The following DOCK4 variants were observed in gnomAD, a reference collection of about 807,000 sequenced individuals.
The protein encoded by DOCK4 is dedicator of cytokinesis protein 4.
DOCK4 carries 97 observed loss-of-function variants against 268.1 expected under a neutral mutation model. The observed-to-expected ratio is 0.36, with a 90% confidence interval of 0.31 to 0.43. The LOEUF (loss-of-function observed/expected upper bound fraction) is 0.43. Among genes scored for constraint, DOCK4 ranks in the 20% least tolerant of loss-of-function variants. The pLI is 1.00. For synonymous variants in DOCK4, 954 were observed against 887.2 expected (o/e 1.08, Z -1.34); for missense variants, 2,145 against 2,455.7 (o/e 0.87, Z 2.67).
chr7:111,947,217 T>C (rs1429090530), intron 8 of DOCK4, among the ~76,000 whole-genome samples: 1 of 152,170 alleles, frequency 6.6e-6, no homozygotes, highest in African/African-American at 2.4e-5. Flanking sequence ...TAAATAATGG[T>C]TCTGTCATTC....
At chr7:112,073,208 A>G (rs1807759853) in intron 1 of DOCK4, among the ~76,000 whole-genome samples, 1 of 152,010 alleles carries the variant, frequency 6.6e-6, no homozygotes, top group Non-Finnish European at 1.5e-5. Flanking sequence ...CCCTCTATCA[A>G]GTTTTTTCTT....
intron 8 of DOCK4, among the ~76,000 whole-genome samples, chr7:111,954,409 T>C (rs1292276647): frequency 6.6e-6 from 1 of 152,062 alleles, no homozygotes; most frequent in Non-Finnish European, 1.5e-5. Context: ...GACATTCGAA[T>C]AGATGCCCTA....
At chr7:111,959,257 T>C (rs576122945) in intron 8 of DOCK4, among the ~76,000 whole-genome samples, 1 of 152,294 alleles carries the variant, frequency 6.6e-6, no homozygotes, top group South Asian at 2.1e-4. Flanking sequence ...GGTGTCTGAA[T>C]GCCGTCTCCA....
At chr7:112,118,438 A>T (rs1416975495) in intron 1 of DOCK4, among the ~76,000 whole-genome samples, 4 of 152,194 alleles carry the variant, frequency 2.6e-5, no homozygotes, top group African/African-American at 7.2e-5. Context: ...TAATTTGAAA[A>T]CAAGATAAAT....
chr7:111,982,902 T>A (rs185401819), intron 7 of DOCK4, among the ~76,000 whole-genome samples: 1 of 152,366 alleles, frequency 6.6e-6, no homozygotes, highest in Non-Finnish European at 1.5e-5. Context: ...TCAGAGGATA[T>A]GACAGACAAA....
At chr7:112,122,482 G>T (rs1209810991) in intron 1 of DOCK4, among the ~76,000 whole-genome samples, 1 of 151,898 alleles carries the variant, frequency 6.6e-6, no homozygotes, top group Non-Finnish European at 1.5e-5. Flanking sequence ...TGTTGCCCAG[G>T]ATGGTCATGA....
chr7:112,078,471 G>A (rs1808277383), intron 1 of DOCK4, among the ~76,000 whole-genome samples: 1 of 152,116 alleles, frequency 6.6e-6, no homozygotes, highest in South Asian at 2.1e-4. Flanking sequence ...CTTTACCAAA[G>A]CTACAGCTAC....
In DOCK4 at chr7:111,940,488, G is replaced by A. The variant is rs74432546; in HGVS notation, c.845-246C>T. Among the ~76,000 whole-genome samples the A allele has an allele frequency of 0.01, 1,597 of 152,268 alleles. 69 individuals are homozygous for A. The East Asian group carries it at 0.15, about 14-fold the overall frequency. ...TTGCCATCTGTAAAATACAAAGACT[G>A]GAACAGATCCCATGTTTGGGAACCA... On this transcript the variant is annotated intron_variant, in intron 10 of 52. Coordinates refer to ENST00000428084, the MANE Select transcript of DOCK4 (RefSeq NM_001363540.2).
intron 1 of DOCK4, among the ~76,000 whole-genome samples, chr7:112,046,936 A>T (rs1232919832): frequency 1.3e-5 from 2 of 152,230 alleles, no homozygotes; most frequent in Admixed American, 1.3e-4. Flanking sequence ...AAAAAGCTAC[A>T]AAGAGAAAGA....
chr7:112,134,441 T>C (rs933047869), intron 1 of DOCK4, among the ~76,000 whole-genome samples: 18 of 152,178 alleles, frequency 1.2e-4, no homozygotes, highest in Admixed American at 5.9e-4. Flanking sequence ...ACTTAATGGC[T>C]GGGCACGGTG....
chr7:111,850,092 TTC>T (rs1309858824), intron 23 of DOCK4, among the ~76,000 whole-genome samples: 1 of 152,190 alleles, frequency 6.6e-6, no homozygotes, highest in Non-Finnish European at 1.5e-5. Context: ...TTAAAAAAAT[TTC>T]TTTTTGTATC....
In DOCK4 at chr7:111,770,309, G is replaced by A. The variant is rs187857290; in HGVS notation, c.3680-632C>T. Among the ~76,000 whole-genome samples, 402 of 151,984 alleles carry A rather than the reference G, an allele frequency of 2.6e-3. 7 individuals carry two copies. Among genetic ancestry groups the A allele is most frequent in the Non-Finnish European group, 3.8e-4 (26 of 67,938 alleles). ...GGAAGTGCTGCATGAGGAGTGGGGG[G>A]AGTGTGTGGGTGTGTGGGTGTATTT... On this transcript the variant is annotated intron_variant, in intron 36 of 52. Transcript: ENST00000428084.
chr7:112,038,700 C>CA (rs1479133793), intron 1 of DOCK4, among the ~76,000 whole-genome samples: 1 of 151,950 alleles, frequency 6.6e-6, no homozygotes, highest in African/African-American at 2.4e-5. Flanking sequence ...ACCAAAGTAA[C>CA]AAAAAAAGTA....
intron 36 of DOCK4, 117 bp downstream of exon 36, chr7:111,778,159 A>T (rs1798570861): frequency 1.6e-6 from 1 of 631,664 alleles, no homozygotes; most frequent in Admixed American, 3.1e-5. Context: ...TTAAAAATAA[A>T]TTTTAATTTT....
rs556011420 is a variant in DOCK4 at position 111,858,536 on chromosome 7, AATATGCT to A, written c.2473+4829_2473+4835del. ...TAGAAGAAAACGCTGAGTAATGGAG[AATATGCT>A]CCCTCTTCCTGATGGTCTTCGAGCT... On this transcript the variant is annotated intron_variant, in intron 23 of 52. Transcript: ENST00000428084. Among the ~76,000 whole-genome samples the A allele has an allele frequency of 5.1e-3, 776 of 152,232 alleles. 3 individuals carry two copies. The highest frequency in any genetic ancestry group is 8.5e-3 in the Non-Finnish European group (578 of 68,014).
intron 8 of DOCK4, among the ~76,000 whole-genome samples, chr7:111,949,288 T>C (rs1180151645): frequency 6.6e-6 from 1 of 152,220 alleles, no homozygotes; most frequent in African/African-American, 2.4e-5. Flanking sequence ...CAATAGGGCA[T>C]TTTCAATATT....
intron 1 of DOCK4, among the ~76,000 whole-genome samples, chr7:112,174,866 G>GTT (rs985960141): frequency 1.4e-5 from 2 of 147,496 alleles, no homozygotes; most frequent in African/African-American, 5.0e-5. Context: ...TTTTTGGTTT[G>GTT]TTTTTTTGTT....
chr7:112,153,064 T>C (rs1388535104), intron 1 of DOCK4, among the ~76,000 whole-genome samples: 2 of 152,162 alleles, frequency 1.3e-5, no homozygotes, highest in Non-Finnish European at 2.9e-5. Flanking sequence ...AAATGAGTAA[T>C]ATTATATCAT....
At chr7:111,857,037 T>G (rs982752022) in intron 23 of DOCK4, among the ~76,000 whole-genome samples, 5 of 152,186 alleles carry the variant, frequency 3.3e-5, no homozygotes, top group Admixed American at 3.3e-4. Flanking sequence ...TCTAAACAAA[T>G]GTCATTTTTA....
Sources: allele counts gnomAD v4.1 joint callset (sites outside exome capture counted in the v4.1 genomes callset), GRCh38; gene constraint gnomAD v4.1.1; transcripts MANE v1.5; gene names NCBI Gene and HGNC (gene_info 2026-07-23, HGNC 2026-07-21).